The following PSMG2 variants were observed in gnomAD, a reference collection of about 807,000 sequenced individuals.
The protein encoded by PSMG2 is proteasome assembly chaperone 2.
Under a neutral mutation model 31.5 loss-of-function variants are expected in PSMG2, and 21 were observed. The observed-to-expected ratio is 0.67, with a 90% confidence interval of 0.47 to 0.96. PSMG2 has a LOEUF of 0.96. Among genes scored for constraint, PSMG2 ranks in the 40% least tolerant of loss-of-function variants. The probability of loss-of-function intolerance (pLI) is 0.00; values close to 1 mark genes in which losing one functional copy is unlikely to be tolerated. For synonymous variants in PSMG2, 120 were observed against 110.4 expected (o/e 1.09, Z -0.54); for missense variants, 318 against 321.2 (o/e 0.99, Z 0.08).
intron 1 of PSMG2, chr18:12,686,336 G>A (rs951842549): frequency 8.1e-6 from 13 of 1,613,902 alleles, no homozygotes; most frequent in Non-Finnish European, 1.1e-5. Flanking sequence ...ACAGGGGCTC[G>A]TTCATAACCA....
chr18:12,702,592 GC>G, upstream of PSMG2: 1 of 1,580,492 alleles, frequency 6.3e-7, no homozygotes, highest in Non-Finnish European at 8.6e-7. Context: ...CGCCTCAGAT[GC>G]CCTAACTGCG....
intron 1 of PSMG2, chr18:12,680,514 T>C (rs1186972343): frequency 2.0e-6 from 1 of 499,956 alleles, no homozygotes; most frequent in African/African-American, 2.0e-5. Context: ...GAGAATCGGC[T>C]TGAACCTGGG....
chr18:12,703,472 G>A (rs533753883), intron 1 of PSMG2, among the ~76,000 whole-genome samples: 6 of 152,164 alleles, frequency 3.9e-5, no homozygotes, highest in Non-Finnish European at 8.8e-5. Flanking sequence ...TTTTATCCTA[G>A]AAAGTCTTTC....
At chr18:12,706,995 G>A (rs999583503) in intron 2 of PSMG2, among the ~76,000 whole-genome samples, 5 of 151,686 alleles carry the variant, frequency 3.3e-5, no homozygotes, top group Non-Finnish European at 5.9e-5. Context: ...TCGCTCTCTT[G>A]CCCAGGCTGG....
chr18:12,718,053 G>C (rs1439070879), intron 3 of PSMG2, among the ~76,000 whole-genome samples: 7 of 143,670 alleles, frequency 4.9e-5, no homozygotes, highest in Non-Finnish European at 1.0e-4. Context: ...CGGTTCCCCC[G>C]GCTGGAGTGC....
chr18:12,702,520 T>C (rs2040195451), upstream of PSMG2: 2 of 1,608,992 alleles, frequency 1.2e-6, no homozygotes, highest in Admixed American at 1.7e-5. Context: ...CTGCTTCAGC[T>C]CGGAGGCTTT....
chr18:12,721,437 A>G (rs1024802480), intron 5 of PSMG2, among the ~76,000 whole-genome samples: 8 of 152,172 alleles, frequency 5.3e-5, no homozygotes, highest in Non-Finnish European at 1.2e-4. Context: ...TAAGCGTACA[A>G]TCAAGTGCCA....
chr18:12,706,450 G>GTACTCCAGCCTGGGA, intron 1 of PSMG2, 100 bp from the exon 2 acceptor site: 1 of 1,284,030 alleles, frequency 7.8e-7, no homozygotes, highest in Non-Finnish European at 1.1e-6. Context: ...TCACGCCACT[G>GTACTCCAGCCTGGGA]TACTCCAGCC....
intron 1 of PSMG2, chr18:12,662,099 A>C (rs980163027): frequency 1.2e-5 from 5 of 428,908 alleles, no homozygotes; most frequent in African/African-American, 1.0e-4. Context: ...TCTTTCAGGG[A>C]GCACCATCAC....
intron 1 of PSMG2, among the ~76,000 whole-genome samples, chr18:12,693,253 T>G (rs1257238538): frequency 1.3e-5 from 2 of 152,042 alleles, no homozygotes; most frequent in Admixed American, 1.3e-4. Flanking sequence ...TATAAAATAA[T>G]GTTAAGTTTA....
At chr18:12,661,483 G>C (rs1391394143) in intron 1 of PSMG2, 2 of 404,598 alleles carry the variant, frequency 4.9e-6, no homozygotes, top group African/African-American at 4.4e-5. Flanking sequence ...CAAATTCAAA[G>C]ATTTGAGGCC....
chr18:12,721,112 G>A (rs1393702439), intron 5 of PSMG2, among the ~76,000 whole-genome samples: 4 of 148,266 alleles, frequency 2.7e-5, no homozygotes, highest in African/African-American at 5.0e-5. Context: ...CCCGAGAGGC[G>A]GAGTTTGCAG....
chr18:12,678,405 C>A lies in PSMG2; in HGVS notation c.-37+19632C>A, dbSNP rs777672974. 1.8e-4 allele frequency: 288 copies of A among 1,613,672 alleles called. 2 individuals carry two copies. The East Asian group carries it at 6.4e-3, about 36-fold the overall frequency. On this transcript the variant is annotated intron_variant, in intron 1 of 6. Coordinates refer to the PSMG2 transcript ENST00000585331. The stretch of plus-strand genomic sequence containing the variant: ...TACAGTGGTTTGGGCTGTTCAGCAA[C>A]TGGAGGTTCATCAGGATTGGTAGGT...
chr18:12,720,411 G>T (rs2040419979), intron 4 of PSMG2, 99 bp from the exon 5 acceptor site: 13 of 948,222 alleles, frequency 1.4e-5, no homozygotes, highest in Middle Eastern at 7.0e-4. Context: ...CTTGTGTTTT[G>T]CCTGTGCAGC....
chr18:12,702,312 GA>G, upstream of PSMG2: 1 of 558,450 alleles, frequency 1.8e-6, no homozygotes, highest in Non-Finnish European at 3.1e-6. Flanking sequence ...CTTTCTCGGA[GA>G]CGAGGACGCT....
At chr18:12,667,964 T>C (rs1272745626) in intron 1 of PSMG2, among the ~76,000 whole-genome samples, 7 of 147,214 alleles carry the variant, frequency 4.8e-5, no homozygotes, top group South Asian at 4.3e-4. Context: ...ACATCAATAA[T>C]AACATTAAAT....
At chr18:12,707,437 C>A (rs1464412672) in intron 2 of PSMG2, among the ~76,000 whole-genome samples, 1 of 152,110 alleles carries the variant, frequency 6.6e-6, no homozygotes, top group African/African-American at 2.4e-5. Context: ...TATGTTACGT[C>A]AACTAAGTCT....
intron 1 of PSMG2, among the ~76,000 whole-genome samples, chr18:12,683,522 G>A (rs1029635501): frequency 3.3e-5 from 5 of 151,836 alleles, no homozygotes; most frequent in East Asian, 1.9e-4. Flanking sequence ...AGGCAGAGGC[G>A]GGCAGATCAC....
At chr18:12,665,854 A>G (rs1452226003) in intron 1 of PSMG2, among the ~76,000 whole-genome samples, 1 of 151,906 alleles carries the variant, frequency 6.6e-6, no homozygotes, top group African/African-American at 2.4e-5. Context: ...ACGCCACCAC[A>G]CCCAGCTAAT....
Sources: gnomAD v4.1 joint callset for allele counts (sites outside exome capture counted in the v4.1 genomes callset) on GRCh38, gnomAD v4.1.1 for gene constraint, MANE v1.5 for transcripts, NCBI Gene and HGNC (gene_info 2026-07-23, HGNC 2026-07-21) for gene names.